Variants in RTEL1 observed in about 807,000 individuals in gnomAD.
RTEL1 encodes the protein regulator of telomere elongation helicase 1.
In RTEL1, 86 loss-of-function variants were observed where a neutral mutation model predicts 162.2. The observed-to-expected ratio is 0.53, with a 90% CI of 0.45 to 0.63. The LOEUF is 0.63. Ranked by LOEUF, RTEL1 falls within the 30% of genes least tolerant of loss-of-function variation. The pLI is 0.00. For missense variants in RTEL1, 1,941 were observed against 1,750.2 expected (o/e 1.11, Z -1.95); for synonymous variants, 958 against 717.9 (o/e 1.33, Z -5.35).
Position 63,694,472 on chromosome 20 carries a change from C to T in RTEL1, c.3093C>T (p.Pro1031=), listed in dbSNP as rs756822666. The T allele has an allele frequency of 6.2e-7, 1 of 1,600,302 alleles. No homozygotes were observed. Among genetic ancestry groups the T allele is most frequent in the Non-Finnish European group, 8.5e-7 (1 of 1,169,934 alleles). The change falls in exon 31 of 35, where the codon CCC becomes CCT. Residue 1031 remains proline (P), a synonymous_variant. Transcript: ENST00000360203. ...HLNQGRPHLS[P]RPPPTGDPGS... is the part of the protein sequence containing the mutation. ...ACCAGGGCAGGCCCCACCTGTCGCC[C>T]AGGCCACCCCCAACAGGTAGCTGAC...
rs2145411213 is a variant in RTEL1, at chr20:63,685,534, T to C, written c.1203T>C (p.Ser401=). 6.2e-7 allele frequency: 1 copy of C among 1,612,582 alleles called. No homozygotes were observed. Among genetic ancestry groups the C allele is most frequent in the Non-Finnish European group, 8.5e-7 (1 of 1,179,896 alleles). ...KLADIIQIVF[S]VDPSEGSPGS... ...CCTCTGCCTTTCAGATTGTGTTCAG[T>C]GTGGACCCCTCCGAGGGCAGCCCTG... Residue 401 remains serine (S), a synonymous_variant, in exon 15 of 35, where the codon AGT becomes AGC. Coordinates refer to ENST00000360203, the MANE Select transcript of RTEL1 (RefSeq NM_001283009.2).
At chr20:63,667,353 C>G in intron 7 of RTEL1, 116 bp from the exon 8 acceptor site, 1 of 814,656 alleles carries the variant, frequency 1.2e-6, no homozygotes, top group South Asian at 1.4e-5. Context: ...CAGCAGCTTC[C>G]CACCTGGGCC....
Position 63,694,917 on chromosome 20 carries a change from CTGGCTGTGT to C in RTEL1, c.3291_3299del (p.Val1098_Ala1100del). On this transcript the variant is annotated inframe_deletion, in exon 32 of 35. Transcript: ENST00000360203. ...GCAAGACGACGACCTCGACAAGGTG[CTGGCTGTGT>C]TGGCCGCCCTGACCACTGCAAAGCC... 1 of 1,612,640 alleles carries C rather than the reference CTGGCTGTGT, an allele frequency of 6.2e-7. No individual in the cohort carries two copies. The highest frequency in any genetic ancestry group is 8.5e-7 in the Non-Finnish European group (1 of 1,179,868).
chr20:63,693,516 A>ACCTCCACCACCT (rs1348873893), intron 30 of RTEL1, among the ~76,000 whole-genome samples: 1 of 14,856 alleles, frequency 6.7e-5, no homozygotes, highest in Non-Finnish European at 1.4e-4. Flanking sequence ...CACCTCCTCC[A>ACCTCCACCACCT]CCACCACCAC....
rs574277790 is a variant in RTEL1 at position 63,687,823 on chromosome 20, C to T, written c.1481+53C>T. ...GCACCGGTGACACCTCTGACATCAG[C>T]GGGGTGGAAGTGGTGGGGGTCCCCA... On this transcript the variant is annotated intron_variant, in intron 17 of 34. Transcript: ENST00000360203. 2.6e-5 allele frequency: 40 copies of T among 1,554,362 alleles called. No individual in the cohort carries two copies. The East Asian group carries it at 2.9e-4, about 11-fold the overall frequency.
In RTEL1 at chr20:63,661,364, C is replaced by A. The variant is rs761821036; in HGVS notation, c.169C>A (p.Leu57Met). The change falls in exon 3 of 35, where the codon CTG becomes ATG. Residue 57 changes from leucine to methionine, a missense_variant. By Grantham distance (15) the Leu-to-Met change is conservative. Transcript: ENST00000360203. This position sits in a 1 kb window ranked among gnomAD's most constrained non-coding sequence, Gnocchi z 5.1. ...GKTLCLLCTT[L>M]AWREHLRDGI... The stretch of plus-strand genomic sequence containing the variant: ...GACGCTGTGCCTGCTGTGCACCACG[C>A]TGGCCTGGCGAGAACACCTCCGAGA... 1.2e-6 allele frequency: 2 copies of A among 1,613,670 alleles called. No homozygotes were observed. Among genetic ancestry groups the A allele is most frequent in the East Asian group, 4.5e-5 (2 of 44,884 alleles).
chr20:63,693,399 T>C, intron 30 of RTEL1, 116 bp downstream of exon 30: 1 of 1,311,658 alleles, frequency 7.6e-7, no homozygotes, highest in Non-Finnish European at 1.1e-6. Flanking sequence ...GCCTCTCTGT[T>C]CCCCTATGGG....
chr20:63,666,214 G>T (rs576861477), intron 7 of RTEL1, 135 bp downstream of exon 7: 12 of 735,954 alleles, frequency 1.6e-5, no homozygotes, highest in Admixed American at 2.9e-5. Context: ...CATTCAGTAC[G>T]AAAAAGTTTA....
chr20:63,677,009 C>G (rs1294619238), intron 10 of RTEL1, among the ~76,000 whole-genome samples: 1 of 152,166 alleles, frequency 6.6e-6, no homozygotes, highest in Non-Finnish European at 1.5e-5. Flanking sequence ...GCCCCATGCT[C>G]CCTCCTGAAT....
intron 14 of RTEL1, chr20:63,681,350 G>C (rs947626491): frequency 1.0e-6 from 1 of 985,262 alleles, no homozygotes; most frequent in African/African-American, 1.7e-5. Context: ...TTGCCTCTCC[G>C]GGGCCTCGGT....
intron 6 of RTEL1, among the ~76,000 whole-genome samples, chr20:63,664,553 A>G (rs531552525): frequency 6.6e-6 from 1 of 152,236 alleles, no homozygotes; most frequent in East Asian, 1.9e-4. Flanking sequence ...CTCCTCCTCC[A>G]GGCCTGTGGA....
At chr20:63,681,817 G>A in intron 14 of RTEL1, 1 of 985,398 alleles carries the variant, frequency 1.0e-6, no homozygotes, top group Non-Finnish European at 1.2e-6. Flanking sequence ...AGCTGGGGCT[G>A]GAAGGACAGC....
intron 8 of RTEL1, 73 bp downstream of exon 8, chr20:63,667,626 A>C (rs896809421): frequency 6.5e-6 from 8 of 1,238,268 alleles, no homozygotes; most frequent in Non-Finnish European, 9.5e-6. Context: ...CAGCTGTCCG[A>C]GCCTTTGCTG....
At chr20:63,694,695 G>C in intron 31 of RTEL1, 46 bp from the exon 32 acceptor site, 1 of 1,493,396 alleles carries the variant, frequency 6.7e-7, no homozygotes, top group Non-Finnish European at 9.1e-7. Flanking sequence ...GGGACTCTCA[G>C]TCCTCCACCC....
At position 63,678,144 on chromosome 20, in the gene RTEL1, G is replaced by C; in HGVS notation, c.920-1G>C. On this transcript the variant is annotated splice_acceptor_variant, in intron 10 of 34. Coordinates refer to ENST00000360203, the MANE Select transcript of RTEL1 (RefSeq NM_001283009.2). LOFTEE classifies it high-confidence loss of function. ...GCCTTTGCTGCCTTTCTCTTGCCCA[G>C]GGCTGAACATGGAGCTGGAAGACAT... 6.2e-7 allele frequency: 1 copy of C among 1,614,206 alleles called. No individual in the cohort carries two copies. Among genetic ancestry groups the C allele is most frequent in the Non-Finnish European group, 8.5e-7 (1 of 1,180,038 alleles).
chr20:63,662,290 C>A, intron 4 of RTEL1: 1 of 683,460 alleles, frequency 1.5e-6, no homozygotes, highest in Non-Finnish European at 2.6e-6. Context: ...CAGAGCCCAG[C>A]AGAGTCTTGG....
chr20:63,686,370 C>T, intron 16 of RTEL1: 1 of 184,228 alleles, frequency 5.4e-6, no homozygotes, highest in Non-Finnish European at 1.2e-5. Flanking sequence ...GTCGGTGCTG[C>T]CGGGGACGCT....
At chr20:63,679,252 C>T (rs1460666247) in intron 12 of RTEL1, among the ~76,000 whole-genome samples, 4 of 152,152 alleles carry the variant, frequency 2.6e-5, no homozygotes, top group African/African-American at 9.7e-5. Flanking sequence ...TCTGCCTGAG[C>T]GCCGACCTGG....
Position 63,694,935 on chromosome 20 carries a change from C to G in RTEL1, c.3304C>G (p.Leu1102Val), listed in dbSNP as rs1408163084. 1.2e-6 allele frequency: 2 copies of G among 1,612,604 alleles called. No homozygotes were observed. Among genetic ancestry groups the G allele is most frequent in the African/African-American group, 1.3e-5 (1 of 75,050 alleles). The part of the protein sequence containing the change: ...LDKVLAVLAA[L>V]TTAKPEDFPL... Reference sequence around the variant, plus strand: ...CAAGGTGCTGGCTGTGTTGGCCGCCCTGACCACTGCAAAGCCAGAGGACTT... The same window carrying G: ...CAAGGTGCTGGCTGTGTTGGCCGCCGTGACCACTGCAAAGCCAGAGGACTT... The change falls in exon 32 of 35, where the codon CTG (leucine) becomes GTG (valine). Residue 1102 changes from leucine to valine, a missense_variant. Physicochemically the swap from Leu to Val is conservative, Grantham distance 32 (BLOSUM62 1). Transcript: ENST00000360203.
Sources: gnomAD v4.1 joint callset for allele counts (sites outside exome capture counted in the v4.1 genomes callset) on GRCh38, gnomAD v4.1.1 for gene constraint, Gnocchi (gnomAD v3.1) non-coding constraint, MANE v1.5 for transcripts, NCBI Gene and HGNC (gene_info 2026-07-23, HGNC 2026-07-21) for gene names.